Variants in ADGRD1 observed in about 807,000 individuals in gnomAD.
The protein encoded by ADGRD1 is G-protein coupled receptor 133.
ADGRD1 carries 77 observed loss-of-function variants against 113.4 expected under a neutral mutation model. That is an observed-to-expected ratio of 0.68 (90% CI 0.57 to 0.82). The LOEUF is 0.82. Ranked by LOEUF, ADGRD1 falls within the 40% of genes least tolerant of loss-of-function variation. ADGRD1 has a pLI of 0.00. For missense variants in ADGRD1, 1,036 were observed against 1,139.1 expected, an observed-to-expected ratio of 0.91 and a Z score of 1.30; for synonymous variants, 474 against 475.0, an observed-to-expected ratio of 1.00 and a Z score of 0.03.
chr12:131,127,211 C>T (rs1593260912), intron 20 of ADGRD1, among the ~76,000 whole-genome samples: 1 of 152,314 alleles, frequency 6.6e-6, no homozygotes, highest in East Asian at 1.9e-4. Flanking sequence ...TGTTATGAAA[C>T]ACTTAGAGTG....
chr12:131,001,142 A>G (rs1353455168), intron 9 of ADGRD1, among the ~76,000 whole-genome samples: 2 of 152,222 alleles, frequency 1.3e-5, no homozygotes, highest in East Asian at 3.8e-4. Flanking sequence ...TTTTTATGTT[A>G]AAAGTCACTG....
chr12:131,126,644 C>T (rs1950743043), intron 20 of ADGRD1, among the ~76,000 whole-genome samples: 1 of 152,210 alleles, frequency 6.6e-6, no homozygotes, highest in Non-Finnish European at 1.5e-5. Context: ...CCTCCTCCCA[C>T]CAGAGATCAC....
At chr12:131,048,227 A>G (rs1008217805) in intron 13 of ADGRD1, among the ~76,000 whole-genome samples, 2 of 152,244 alleles carry the variant, frequency 1.3e-5, no homozygotes, top group Non-Finnish European at 2.9e-5. Flanking sequence ...AGCCGGGGCC[A>G]GCAGTGCTTC....
In ADGRD1 at chr12:130,995,931, G is replaced by T. The variant is rs533540131; in HGVS notation, c.966+3539G>T. ...TAGGCAGAGGACCCTGCGGCCTTCC[G>T]CAGTGTTTGTGTCCCTGATTACTTG... On this transcript the variant is annotated intron_variant, in intron 8 of 24. Transcript: ENST00000261654. Among the ~76,000 whole-genome samples the T allele has an allele frequency of 1.5e-3, 222 of 152,100 alleles. 2 individuals are homozygous for T. The highest frequency in any genetic ancestry group is 5.3e-3 in the African/African-American group (219 of 41,414).
rs1356828086 is a variant in ADGRD1 at position 131,113,972 on chromosome 12, G to A, written c.2042-4413G>A. 2.0e-5 allele frequency among the ~76,000 whole-genome samples: 3 copies of A among 152,302 alleles called. No homozygotes were observed. The South Asian group carries it at 6.2e-4, about 32-fold the overall frequency. On this transcript the variant is annotated intron_variant, in intron 18 of 24. Coordinates refer to ENST00000261654, the MANE Select transcript of ADGRD1 (RefSeq NM_198827.5). This position sits in a 1 kb window ranked among gnomAD's most constrained non-coding sequence, Gnocchi z 4.9. Reference sequence around the variant, plus strand: ...TATGGATACAGTCATGTAATTTAGAGGCATACGTGCATGTGTGCACGCACA... The same window carrying A: ...TATGGATACAGTCATGTAATTTAGAAGCATACGTGCATGTGTGCACGCACA...
intron 13 of ADGRD1, among the ~76,000 whole-genome samples, chr12:131,039,184 C>T (rs1243206993): frequency 8.8e-6 from 1 of 113,122 alleles, no homozygotes; most frequent in African/African-American, 3.2e-5. Flanking sequence ...TGTGCTCCTC[C>T]AGCCACTGCC....
intron 13 of ADGRD1, among the ~76,000 whole-genome samples, chr12:131,016,325 T>C (rs969834314): frequency 6.6e-6 from 1 of 152,240 alleles, no homozygotes; most frequent in Non-Finnish European, 1.5e-5. Context: ...GCCTTGGCAC[T>C]GCGTGGAGGC....
In ADGRD1 at chr12:131,036,446, A is replaced by T. The variant is rs112262347; in HGVS notation, c.1473+22106A>T. ...GGTCTTACTGCTCCAGGTCTCACTCACTGCCCCAGGCCTTACTCACTGCAT... is the reference window on the plus strand; with the variant it reads ...GGTCTTACTGCTCCAGGTCTCACTCTCTGCCCCAGGCCTTACTCACTGCAT... On this transcript the variant is annotated intron_variant, in intron 13 of 24. Transcript: ENST00000261654. 2.6e-3 allele frequency among the ~76,000 whole-genome samples: 394 copies of T among 149,108 alleles called. 6 individuals are homozygous for T. The highest frequency in any genetic ancestry group is 9.6e-3 in the African/African-American group (384 of 40,010).
chr12:131,026,189 A>ATGGACTGTGTCTCAG (rs1469872476), intron 13 of ADGRD1: 1 of 152,258 alleles, frequency 6.6e-6, no homozygotes, highest in Admixed American at 6.5e-5. Flanking sequence ...TGGCTGGGCC[A>ATGGACTGTGTCTCAG]TGGACTGTGT....
At chr12:131,008,886 G>A (rs1362854056) in intron 12 of ADGRD1, among the ~76,000 whole-genome samples, 1 of 152,212 alleles carries the variant, frequency 6.6e-6, no homozygotes, top group African/African-American at 2.4e-5. Context: ...AGATGAGTGG[G>A]GAGGTGGACC....
rs1339505603 is a variant in ADGRD1, at chr12:131,003,131, G to C, written c.1027-54G>C. ...TGTGTGCCTGGTGCACCTGCCTGGT[G>C]CCCTGGCTGAGTGGGGTGGATTTTC... is the stretch of plus-strand genomic sequence containing the variant. On this transcript the variant is annotated intron_variant, in intron 9 of 24. Transcript: ENST00000261654. This position sits in a 1 kb window ranked among gnomAD's most constrained non-coding sequence, Gnocchi z 4.8. 7.2e-7 allele frequency: 1 copy of C among 1,386,870 alleles called. No individual in the cohort carries two copies. Among genetic ancestry groups the C allele is most frequent in the African/African-American group, 1.4e-5 (1 of 70,466 alleles). The allele number at this position is 1,386,870 out of a possible 1,614,324, so 85.9% of individuals were successfully genotyped here.
chr12:131,090,985 C>T (rs1184570781), intron 15 of ADGRD1, among the ~76,000 whole-genome samples: 1 of 152,210 alleles, frequency 6.6e-6, no homozygotes. Context: ...GTGCTTCTAA[C>T]TTCTCCTGCT....
In ADGRD1 at chr12:130,980,144, G is replaced by A. The variant is rs1401069887; in HGVS notation, c.311-1740G>A. On this transcript the variant is annotated intron_variant, in intron 4 of 24. Transcript: ENST00000261654. ...TTTTGAGACGGAGTCTCGCTCTGTC[G>A]CCCAGGCTGGAGTGCAGTGGCACAA... Among the ~76,000 whole-genome samples the A allele has an allele frequency of 2.5e-4, 38 of 151,436 alleles. 1 individual carries two copies. Among genetic ancestry groups the A allele is most frequent in the African/African-American group, 7.0e-4 (29 of 41,280 alleles).
chr12:131,000,309 C>T lies in ADGRD1; in HGVS notation c.967-74C>T, dbSNP rs1876195642. The T allele has an allele frequency of 8.9e-6, 10 of 1,120,612 alleles. No homozygotes were observed. In the East Asian group the frequency reaches 9.5e-5, roughly 11 times the overall value. 69.4% of individuals were successfully genotyped at this position (1,120,612 alleles called of 1,614,324 possible). On this transcript the variant is annotated intron_variant, in intron 8 of 24. Transcript: ENST00000261654. ...GTTGATAGAGACCCATTGGAAGATG[C>T]GGGGAAAACTGAAGGTCTTCAAGTT...
chr12:131,072,828 C>A (rs1885291215), intron 13 of ADGRD1, among the ~76,000 whole-genome samples: 1 of 152,216 alleles, frequency 6.6e-6, no homozygotes, highest in East Asian at 1.9e-4. Flanking sequence ...TCTGAAGCAG[C>A]CTGGGCTGAG....
chr12:131,007,732 C>T (rs1339248232), intron 12 of ADGRD1, among the ~76,000 whole-genome samples: 1 of 152,236 alleles, frequency 6.6e-6, no homozygotes, highest in African/African-American at 2.4e-5. Context: ...CAACATGTTC[C>T]ATGAGCAGCA....
Position 130,971,096 on chromosome 12 carries a change from C to T in ADGRD1, c.188-362C>T, listed in dbSNP as rs1294699319. 1 of 157,146 alleles carries T rather than the reference C, an allele frequency of 6.4e-6. No individual in the cohort carries two copies. The highest frequency in any genetic ancestry group is 2.4e-5 in the African/African-American group (1 of 41,444). The allele number at this position is 157,146 out of a possible 1,614,324, so 9.7% of individuals were successfully genotyped here. A position where few individuals can be genotyped will look rare whatever the true frequency, so the allele number is the denominator to read the frequency against. On this transcript the variant is annotated intron_variant, in intron 3 of 24. Transcript: ENST00000261654. This position sits in a 1 kb window ranked among gnomAD's most constrained non-coding sequence, Gnocchi z 4.2. ...GGTCGCCACGCCACGCTTGGTAACCCATCTGTTGGCAAATATCACAATTAT... is the reference window on the plus strand; with the variant it reads ...GGTCGCCACGCCACGCTTGGTAACCTATCTGTTGGCAAATATCACAATTAT...
intron 8 of ADGRD1, among the ~76,000 whole-genome samples, chr12:130,993,093 G>C (rs1020878859): frequency 6.6e-6 from 1 of 152,192 alleles, no homozygotes; most frequent in Non-Finnish European, 1.5e-5. Flanking sequence ...CCTTGGTCAA[G>C]TGACCTAACA....
intron 13 of ADGRD1, among the ~76,000 whole-genome samples, chr12:131,028,753 G>C (rs1880272675): frequency 6.6e-6 from 1 of 152,218 alleles, no homozygotes; most frequent in Admixed American, 6.5e-5. Context: ...GGGCGACGTG[G>C]CTGTTTCTGG....
Sources: gnomAD v4.1 joint callset for allele counts (sites outside exome capture counted in the v4.1 genomes callset) on GRCh38, gnomAD v4.1.1 for gene constraint, Gnocchi (gnomAD v3.1) non-coding constraint, MANE v1.5 for transcripts, NCBI Gene and HGNC (gene_info 2026-07-23, HGNC 2026-07-21) for gene names.